MMS22L: variants seen among roughly 807,000 people sequenced by gnomAD.
MMS22L encodes MMS22 like, DNA repair protein.
MMS22L carries 74 observed loss-of-function variants against 159.1 expected under a neutral mutation model. The ratio of observed to expected loss-of-function variants is 0.47; its 90% CI spans 0.39 to 0.56. The LOEUF is 0.56. Among genes scored for constraint, MMS22L ranks in the 20% least tolerant of loss-of-function variants. The pLI is 0.00. For synonymous variants in MMS22L, 517 were observed against 506.9 expected (o/e 1.02, Z -0.27); for missense variants, 1,351 against 1,422.1 (o/e 0.95, Z 0.80).
intron 11 of MMS22L, among the ~76,000 whole-genome samples, chr6:97,236,850 C>A (rs1197320899): frequency 1.3e-5 from 2 of 151,516 alleles, no homozygotes; most frequent in Non-Finnish European, 2.9e-5. Flanking sequence ...ACTCAGAAGG[C>A]TGAGGTAGGA....
chr6:97,201,522 C>G (rs1807162667), intron 14 of MMS22L, among the ~76,000 whole-genome samples: 1 of 152,166 alleles, frequency 6.6e-6, no homozygotes, highest in Non-Finnish European at 1.5e-5. Context: ...TCGAACCCAC[C>G]ATCAACAATG....
At chr6:97,242,182 T>C (rs1444439270) in intron 11 of MMS22L, among the ~76,000 whole-genome samples, 1 of 152,174 alleles carries the variant, frequency 6.6e-6, no homozygotes, top group Non-Finnish European at 1.5e-5. Context: ...ACCTGACTAG[T>C]GTTGTCAGTA....
intron 16 of MMS22L, among the ~76,000 whole-genome samples, chr6:97,181,445 T>TTCATGATCTCATGAGTTAAGAGTGAAAAC (rs1185203389): frequency 6.4e-4 from 97 of 152,304 alleles, no homozygotes; most frequent in Non-Finnish European, 1.2e-3. Context: ...AAGTATCTTG[T>TTCATGATCTCATGAGTTAAGAGTGAAAAC]TCATGATCTC....
rs1235028377 is a variant in MMS22L at position 97,192,216 on chromosome 6, GA to G, written c.2040-5527del. Among the ~76,000 whole-genome samples, 133 of 152,092 alleles carry G rather than the reference GA, an allele frequency of 8.7e-4. 2 individuals carry two copies. The highest frequency in any genetic ancestry group is 8.4e-3 in the Admixed American group (128 of 15,250). ...TGGATGGATGGATGGATGGATGAAT[GA>G]ATGAATGAATATGTGAAATCAAAGC... On this transcript the variant is annotated intron_variant, in intron 14 of 24. Transcript: ENST00000683635.
intron 16 of MMS22L, among the ~76,000 whole-genome samples, chr6:97,181,621 T>C (rs751780801): frequency 3.3e-5 from 5 of 152,130 alleles, no homozygotes; most frequent in Non-Finnish European, 7.4e-5. Flanking sequence ...CAGTGGGATG[T>C]GTAGAAAGGT....
chr6:97,198,929 CAA>C (rs935915086), intron 14 of MMS22L, among the ~76,000 whole-genome samples: 4 of 152,054 alleles, frequency 2.6e-5, no homozygotes, highest in African/African-American at 9.7e-5. Flanking sequence ...TTGCTGCTTT[CAA>C]AAGTTTCATT....
At chr6:97,209,160 C>T (rs979503563) in intron 14 of MMS22L, among the ~76,000 whole-genome samples, 1 of 151,954 alleles carries the variant, frequency 6.6e-6, no homozygotes, top group Non-Finnish European at 1.5e-5. Context: ...TGATGAATCC[C>T]CCAAATATCT....
At chr6:97,196,210 T>C (rs937865930) in intron 14 of MMS22L, among the ~76,000 whole-genome samples, 1 of 152,098 alleles carries the variant, frequency 6.6e-6, no homozygotes, top group Non-Finnish European at 1.5e-5. Context: ...GAATGTACAG[T>C]TAAGTGCCGA....
chr6:97,279,680 G>A (rs1005824020), intron 3 of MMS22L, among the ~76,000 whole-genome samples: 23 of 151,514 alleles, frequency 1.5e-4, no homozygotes, highest in Admixed American at 6.6e-4. Flanking sequence ...CGAGCTACTC[G>A]GGAAGCTGAG....
chr6:97,160,748 T>C (rs1187222708), intron 22 of MMS22L, among the ~76,000 whole-genome samples: 1 of 152,050 alleles, frequency 6.6e-6, no homozygotes, highest in Non-Finnish European at 1.5e-5. Flanking sequence ...GTGCACTTAA[T>C]GGTGTTCCAC....
intron 19 of MMS22L, among the ~76,000 whole-genome samples, chr6:97,169,202 T>C (rs962550820): frequency 2.0e-4 from 31 of 152,118 alleles, no homozygotes; most frequent in Non-Finnish European, 4.0e-4. Flanking sequence ...ACTTGAAATA[T>C]ATTATGGCTT....
At chr6:97,152,414 TTAAA>T (rs1484081700) in intron 22 of MMS22L, among the ~76,000 whole-genome samples, 1 of 152,192 alleles carries the variant, frequency 6.6e-6, no homozygotes, top group African/African-American at 2.4e-5. Flanking sequence ...CTTACATTCT[TTAAA>T]TATTTAACTA....
chr6:97,150,089 A>G, intron 23 of MMS22L, 69 bp from the exon 24 acceptor site: 2 of 1,259,680 alleles, frequency 1.6e-6, no homozygotes, highest in Non-Finnish European at 2.3e-6. Flanking sequence ...CTACGTGGCA[A>G]TCAACTATGA....
intron 14 of MMS22L, among the ~76,000 whole-genome samples, chr6:97,214,034 A>G (rs1317658385): frequency 6.6e-6 from 1 of 152,218 alleles, no homozygotes; most frequent in African/African-American, 2.4e-5. Context: ...GATCTTGAAC[A>G]TACGCTATGG....
At chr6:97,158,111 T>A (rs1802047559) in intron 22 of MMS22L, among the ~76,000 whole-genome samples, 1 of 151,992 alleles carries the variant, frequency 6.6e-6, no homozygotes, top group Non-Finnish European at 1.5e-5. Context: ...TTGTGTAGAG[T>A]TCTTTATAGT....
chr6:97,271,814 A>G (rs1344643046), intron 6 of MMS22L: 1 of 152,090 alleles, frequency 6.6e-6, no homozygotes, highest in African/African-American at 2.4e-5. Context: ...TGGGACTACA[A>G]GGTATGTGCC....
rs771665187 is a variant in MMS22L at position 97,173,039 on chromosome 6, C to A, written c.2839+24G>T. On this transcript the variant is annotated intron_variant, in intron 19 of 24. Coordinates refer to ENST00000683635, the MANE Select transcript of MMS22L (RefSeq NM_001350599.2). The stretch of plus-strand genomic sequence containing the variant: ...GCTCAACCTAAGGAAATGTTACTAG[C>A]AAAATAATGCCAGGAATACATACCC... 7 of 1,599,826 alleles carry A rather than the reference C, an allele frequency of 4.4e-6. No homozygotes were observed. The African/African-American group carries it at 9.5e-5, about 22-fold the overall frequency.
intron 19 of MMS22L, among the ~76,000 whole-genome samples, chr6:97,168,462 C>T (rs1000213893): frequency 2.6e-5 from 4 of 152,016 alleles, no homozygotes; most frequent in East Asian, 1.9e-4. Flanking sequence ...ATACATTTTC[C>T]GAGCAACTGG....
At chr6:97,218,085 C>G (rs1186477405) in intron 14 of MMS22L, among the ~76,000 whole-genome samples, 1 of 152,042 alleles carries the variant, frequency 6.6e-6, no homozygotes, top group African/African-American at 2.4e-5. Flanking sequence ...GGAAAAAATT[C>G]AATGATAACT....
Sources: gnomAD v4.1 joint callset for allele counts (sites outside exome capture counted in the v4.1 genomes callset) on GRCh38, gnomAD v4.1.1 for gene constraint, MANE v1.5 for transcripts, NCBI Gene and HGNC (gene_info 2026-07-23, HGNC 2026-07-21) for gene names.